The following DDX59 variants were observed in gnomAD, a reference collection of about 807,000 sequenced individuals.
The protein encoded by DDX59 is DEAD-box helicase 59.
DDX59 carries 30 observed loss-of-function variants against 51.9 expected under a neutral mutation model. The ratio of observed to expected loss-of-function variants is 0.58; its 90% CI spans 0.43 to 0.78. The LOEUF (loss-of-function observed/expected upper bound fraction) is 0.78. Ranked by LOEUF, DDX59 falls within the 30% of genes least tolerant of loss-of-function variation. The pLI, the probability that DDX59 is intolerant of heterozygous loss-of-function variation, is 0.00. For synonymous variants in DDX59, 255 were observed against 253.3 expected, an observed-to-expected ratio of 1.01 and a Z score of -0.06; for missense variants, 672 against 730.8, an observed-to-expected ratio of 0.92 and a Z score of 0.93.
chr1:200,644,343 T>C lies in DDX59; in HGVS notation c.1771A>G (p.Lys591Glu). 6.2e-7 allele frequency: 1 copy of C among 1,613,942 alleles called. No homozygotes were observed. The highest frequency in any genetic ancestry group is 8.5e-7 in the Non-Finnish European group (1 of 1,179,932). ...AGATCATTCTGTGTCTGTTTATCTTTCTGTTGTTCCTTTCTCTTCTGGTCA... is the reference window on the plus strand; with the variant it reads ...AGATCATTCTGTGTCTGTTTATCTTCCTGTTGTTCCTTTCTCTTCTGGTCA... ...LHDQKRKEQQ[K>E]DKQTQNDLVT... is the part of the protein sequence containing the mutation. Residue 591 changes from lysine to glutamate, a missense_variant, in exon 8 of 8, where the codon AAA (lysine) becomes GAA (glutamate). Transcript: ENST00000331314.
intron 4 of DDX59, among the ~76,000 whole-genome samples, chr1:200,652,007 CAAA>C (rs71135375): frequency 3.9e-4 from 32 of 82,884 alleles, no homozygotes; most frequent in Admixed American, 6.2e-4. Context: ...GCCTCCGTCT[CAAA>C]AAAAAAAAAA....
At chr1:200,653,800 G>GC (rs1005448889) in intron 4 of DDX59, among the ~76,000 whole-genome samples, 3 of 152,046 alleles carry the variant, frequency 2.0e-5, no homozygotes, top group African/African-American at 7.2e-5. Context: ...ATGGATCTCC[G>GC]CATGACCAGC....
At chr1:200,663,198 C>A (rs1216940324) in intron 3 of DDX59, among the ~76,000 whole-genome samples, 1 of 152,188 alleles carries the variant, frequency 6.6e-6, no homozygotes, top group Non-Finnish European at 1.5e-5. Flanking sequence ...CCAGGGCCGC[C>A]CTACCACCCT....
rs1413529664 is a variant in DDX59 at position 200,666,316 on chromosome 1, T to C, written c.425A>G (p.Lys142Arg). Residue 142 changes from lysine (K) to arginine (R), a missense_variant, in exon 2 of 8, where the codon AAG becomes AGG. By Grantham distance (26) the Lys-to-Arg change is conservative (BLOSUM62 2). Coordinates refer to ENST00000331314, the MANE Select transcript of DDX59 (RefSeq NM_001031725.6). ...KAKHLLQVKE[K>R]EEKSKLSNPQ... Reference sequence around the variant, plus strand: ...ATTGCTGAGTTTTGATTTCTCTTCCTTTTCCTTAACTTGTAGAAGATGTTT... The same window carrying C: ...ATTGCTGAGTTTTGATTTCTCTTCCCTTTCCTTAACTTGTAGAAGATGTTT... 6.2e-7 allele frequency: 1 copy of C among 1,614,078 alleles called. No homozygotes were observed. The highest frequency in any genetic ancestry group is 8.5e-7 in the Non-Finnish European group (1 of 1,180,036).
chr1:200,668,129 T>C (rs2102940217), intron 1 of DDX59, among the ~76,000 whole-genome samples: 1 of 152,040 alleles, frequency 6.6e-6, no homozygotes, highest in South Asian at 2.1e-4. Context: ...AAACCCCGTC[T>C]CTATTAAAAC....
intron 2 of DDX59, 26 bp from the exon 3 acceptor site, chr1:200,664,112 A>G: frequency 6.2e-7 from 1 of 1,601,178 alleles, no homozygotes; most frequent in Non-Finnish European, 8.5e-7. Context: ...AAACAAGTTT[A>G]AAAACACCAG....
intron 1 of DDX59, chr1:200,669,361 C>G (rs115325767): frequency 0.09 from 13,262 of 147,856 alleles, 692 homozygotes; most frequent in Non-Finnish European, 0.11. Flanking sequence ...GGGTGGCGGG[C>G]GGGGCAGGGA....
intron 4 of DDX59, 144 bp from the exon 5 acceptor site, chr1:200,650,820 A>G (rs1387379436): frequency 4.4e-6 from 3 of 681,934 alleles, no homozygotes; most frequent in Non-Finnish European, 6.8e-6. Context: ...AACTGGAAAA[A>G]TATGTTTATA....
chr1:200,663,649 C>T (rs1332966276), intron 3 of DDX59, among the ~76,000 whole-genome samples: 3 of 152,044 alleles, frequency 2.0e-5, no homozygotes, highest in African/African-American at 4.8e-5. Context: ...GCCAACCCAC[C>T]TTCAGAAGTA....
chr1:200,658,876 GCTACACAGGAAC>G (rs1297879866), intron 4 of DDX59, 139 bp downstream of exon 4: 1 of 593,970 alleles, frequency 1.7e-6, no homozygotes, highest in Non-Finnish European at 3.0e-6. Context: ...TAGCTTCAGT[GCTACACAGGAAC>G]CTGCTGCAAT....
chr1:200,644,895 CAAAAAAAAAAAA>C (rs60033922), intron 7 of DDX59, among the ~76,000 whole-genome samples: 11 of 80,982 alleles, frequency 1.4e-4, no homozygotes, highest in African/African-American at 4.1e-4. Flanking sequence ...GACTCCATCT[CAAAAAAAAAAAA>C]AAAAAAAAAA....
intron 7 of DDX59, among the ~76,000 whole-genome samples, chr1:200,645,162 T>G (rs1398545047): frequency 6.6e-6 from 1 of 152,184 alleles, no homozygotes; most frequent in Non-Finnish European, 1.5e-5. Flanking sequence ...TGTGGGTGGG[T>G]TAAGGTCAAA....
chr1:200,655,003 C>T (rs1661923343), intron 4 of DDX59: 2 of 152,148 alleles, frequency 1.3e-5, no homozygotes, highest in South Asian at 2.1e-4. Flanking sequence ...CTTAGAGAAA[C>T]CATACGTTTC....
chr1:200,646,938 T>A (rs1661330587), intron 7 of DDX59, among the ~76,000 whole-genome samples: 1 of 152,176 alleles, frequency 6.6e-6, no homozygotes, highest in African/African-American at 2.4e-5. Flanking sequence ...TACCGATACG[T>A]TCTATGATAT....
At chr1:200,662,154 A>G (rs1241519425) in intron 3 of DDX59, among the ~76,000 whole-genome samples, 1 of 152,156 alleles carries the variant, frequency 6.6e-6, no homozygotes, top group African/African-American at 2.4e-5. Context: ...TTCTTTATAA[A>G]TTAGTCTCAG....
Position 200,666,228 on chromosome 1 carries a change from G to T in DDX59, c.513C>A (p.His171Gln). 1 of 1,614,206 alleles carries T rather than the reference G, an allele frequency of 6.2e-7. No individual in the cohort carries two copies. The highest frequency in any genetic ancestry group is 1.3e-5 in the African/African-American group (1 of 75,046). ...CTTCCTGAAGGTTCAAAATAAAGGG[G>T]TGCTCTTTGTAGACATAGGAAGCAT... is the stretch of plus-strand genomic sequence containing the variant. ...PLNASYVYKE[H>Q]PFILNLQEDQ... Residue 171 changes from histidine to glutamine, a missense_variant, in exon 2 of 8, where the codon CAC becomes CAA. Physicochemically the swap from His to Gln is conservative, Grantham distance 24. Transcript: ENST00000331314.
downstream of DDX59, among the ~76,000 whole-genome samples, chr1:200,642,645 A>T (rs1170284700): frequency 6.6e-6 from 1 of 152,248 alleles, no homozygotes; most frequent in East Asian, 1.9e-4. Context: ...TCAGAGAGGC[A>T]GGAAGAACCA....
chr1:200,645,080 T>C (rs1040836181), intron 7 of DDX59, among the ~76,000 whole-genome samples: 1 of 152,036 alleles, frequency 6.6e-6, no homozygotes, highest in Non-Finnish European at 1.5e-5. Flanking sequence ...GTAAGTATCA[T>C]TTGTGAAACT....
At chr1:200,651,805 G>A (rs1158411694) in intron 4 of DDX59, among the ~76,000 whole-genome samples, 7 of 151,998 alleles carry the variant, frequency 4.6e-5, no homozygotes, top group African/African-American at 1.5e-4. Flanking sequence ...TCAGGAGATC[G>A]AGACCATCCT....
Sources: gnomAD v4.1 joint callset for allele counts (sites outside exome capture counted in the v4.1 genomes callset) on GRCh38, gnomAD v4.1.1 for gene constraint, MANE v1.5 for transcripts, NCBI Gene and HGNC (gene_info 2026-07-23, HGNC 2026-07-21) for gene names.